The following SLC39A11 variants were observed in gnomAD, a reference collection of about 807,000 sequenced individuals.
SLC39A11 encodes the protein zinc transporter ZIP11.
SLC39A11 carries 33 observed loss-of-function variants against 36.1 expected under a neutral mutation model. The ratio of observed to expected loss-of-function variants is 0.91; its 90% CI spans 0.69 to 1.22. The LOEUF (loss-of-function observed/expected upper bound fraction) is 1.22. Among genes scored for constraint, SLC39A11 ranks in the 50% most tolerant of loss-of-function variants. The probability of loss-of-function intolerance (pLI) is 0.00; values close to 1 mark genes in which losing one functional copy is unlikely to be tolerated. For missense variants in SLC39A11, 432 were observed against 430.3 expected (o/e 1.00, Z -0.03); for synonymous variants, 166 against 170.3 (o/e 0.97, Z 0.20).
At chr17:72,673,950 C>A (rs1046893564) in intron 7 of SLC39A11, among the ~76,000 whole-genome samples, 5 of 152,108 alleles carry the variant, frequency 3.3e-5, no homozygotes, top group Non-Finnish European at 7.4e-5. Flanking sequence ...GGCCTGTAAT[C>A]CCAGCTACTT....
At position 72,824,676 on chromosome 17, in the gene SLC39A11, TTAGA is replaced by T. The variant is rs1420016397; in HGVS notation, c.601+24954_601+24957del. ...CAATGAAGTCCAGGCTGAAGTGGTC[TTAGA>T]TGGAGGAACTTTTTGGGAACTGAAG... On this transcript the variant is annotated intron_variant, in intron 6 of 9. Transcript: ENST00000255559. 2.0e-5 allele frequency among the ~76,000 whole-genome samples: 3 copies of T among 151,392 alleles called. No homozygotes were observed. The East Asian group carries it at 5.8e-4, about 29-fold the overall frequency.
chr17:72,798,113 A>G (rs1274946014), intron 6 of SLC39A11, among the ~76,000 whole-genome samples: 2 of 152,098 alleles, frequency 1.3e-5, no homozygotes, highest in South Asian at 4.1e-4. Flanking sequence ...TAGGAGAAGT[A>G]GGGTTACTGG....
intron 7 of SLC39A11, among the ~76,000 whole-genome samples, chr17:72,735,273 A>G (rs1020872380): frequency 2.0e-5 from 3 of 152,168 alleles, no homozygotes; most frequent in African/African-American, 7.2e-5. Flanking sequence ...CAATGACTAC[A>G]TTTAACACAC....
intron 4 of SLC39A11, among the ~76,000 whole-genome samples, chr17:72,990,132 T>C (rs1036973052): frequency 1.3e-5 from 2 of 152,218 alleles, no homozygotes; most frequent in African/African-American, 4.8e-5. Context: ...CAAAAATTGG[T>C]GACATGCACT....
chr17:72,835,155 G>A (rs565005281), intron 6 of SLC39A11, among the ~76,000 whole-genome samples: 2 of 152,370 alleles, frequency 1.3e-5, no homozygotes, highest in Admixed American at 1.3e-4. Flanking sequence ...GTCATCCCAT[G>A]TAGGAGCCTG....
intron 4 of SLC39A11, among the ~76,000 whole-genome samples, chr17:72,997,011 G>C (rs2089557752): frequency 6.6e-6 from 1 of 152,134 alleles, no homozygotes; most frequent in African/African-American, 2.4e-5. Flanking sequence ...ACCATCTGCA[G>C]TCTTGCAGCT....
intron 4 of SLC39A11, among the ~76,000 whole-genome samples, chr17:72,958,610 C>G (rs969715329): frequency 3.3e-5 from 5 of 152,124 alleles, no homozygotes; most frequent in Admixed American, 6.5e-5. Flanking sequence ...CAGCACTTTG[C>G]GAGGCCAAGG....
chr17:72,832,379 A>G (rs2078322751), intron 6 of SLC39A11, among the ~76,000 whole-genome samples: 1 of 152,220 alleles, frequency 6.6e-6, no homozygotes, highest in Non-Finnish European at 1.5e-5. Context: ...TATTCTGTGG[A>G]GAACAACCTA....
chr17:73,050,793 G>C (rs2059471014), intron 3 of SLC39A11, among the ~76,000 whole-genome samples: 1 of 152,058 alleles, frequency 6.6e-6, no homozygotes, highest in East Asian at 1.9e-4. Flanking sequence ...CTCTCTTCTG[G>C]GGATGGGGGA....
intron 6 of SLC39A11, among the ~76,000 whole-genome samples, chr17:72,763,581 G>A (rs1038432373): frequency 3.3e-5 from 5 of 152,142 alleles, no homozygotes; most frequent in African/African-American, 1.2e-4. Flanking sequence ...AAATAATTAA[G>A]AGCTGTTCAC....
intron 7 of SLC39A11, among the ~76,000 whole-genome samples, chr17:72,700,143 C>T (rs990018287): frequency 3.9e-5 from 6 of 152,172 alleles, no homozygotes; most frequent in African/African-American, 1.4e-4. Context: ...CTGCTGGCTT[C>T]TTTGGCGGGA....
At chr17:72,952,920 T>G (rs956515455) in intron 4 of SLC39A11, among the ~76,000 whole-genome samples, 2 of 152,156 alleles carry the variant, frequency 1.3e-5, no homozygotes, top group African/African-American at 4.8e-5. Flanking sequence ...CCTCTGGGGC[T>G]CTGAATAGTT....
chr17:72,786,582 G>A (rs1950569683), intron 6 of SLC39A11, among the ~76,000 whole-genome samples: 1 of 152,032 alleles, frequency 6.6e-6, no homozygotes, highest in Non-Finnish European at 1.5e-5. Flanking sequence ...TGGATCCCGG[G>A]GTGTTTTTCA....
intron 6 of SLC39A11, among the ~76,000 whole-genome samples, chr17:72,792,549 G>A (rs1348363696): frequency 6.6e-6 from 1 of 152,096 alleles, no homozygotes; most frequent in Non-Finnish European, 1.5e-5. Flanking sequence ...AAGTATGAGA[G>A]AGGAGGTGAT....
At chr17:72,923,067 A>G (rs1055320552) in intron 5 of SLC39A11, among the ~76,000 whole-genome samples, 2 of 147,922 alleles carry the variant, frequency 1.4e-5, no homozygotes, top group Non-Finnish European at 3.0e-5. Context: ...GTGTGATTTT[A>G]TCTTATCAGT....
chr17:72,783,761 C>T (rs374169552), intron 6 of SLC39A11, among the ~76,000 whole-genome samples: 14 of 152,202 alleles, frequency 9.2e-5, no homozygotes, highest in African/African-American at 2.9e-4. Context: ...GGTGAGGGAA[C>T]GGGAATAGTC....
chr17:72,947,803 G>T lies in SLC39A11; in HGVS notation c.379C>A (p.Pro127Thr), dbSNP rs1382709055. 2.5e-6 allele frequency: 4 copies of T among 1,614,026 alleles called. No individual in the cohort carries two copies. The highest frequency in any genetic ancestry group is 8.5e-7 in the Non-Finnish European group (1 of 1,180,048). The change falls in exon 5 of 10, where the codon CCT (proline) becomes ACT (threonine). Residue 127 changes from proline (P) to threonine (T), a missense_variant. Transcript: ENST00000255559. ...GSTLMKKKSD[P>T]EGPALLFPES... The stretch of plus-strand genomic sequence containing the variant: ...GGGAAGAGCAGCGCGGGACCCTCAG[G>T]ATCAGACTTCTTCTTCATCAACGTA...
intron 7 of SLC39A11, among the ~76,000 whole-genome samples, chr17:72,702,904 T>TC (rs1368309207): frequency 8.1e-6 from 1 of 123,272 alleles, no homozygotes; most frequent in Non-Finnish European, 1.6e-5. Context: ...GCCACTGCAC[T>TC]CCAGCCTGGG....
At chr17:72,844,139 A>G (rs553207591) in intron 6 of SLC39A11, among the ~76,000 whole-genome samples, 2 of 152,194 alleles carry the variant, frequency 1.3e-5, no homozygotes, top group African/African-American at 2.4e-5. Context: ...ACTATAAAGG[A>G]TAGTGTTAAA....
Sources: allele counts gnomAD v4.1 joint callset (sites outside exome capture counted in the v4.1 genomes callset), GRCh38; gene constraint gnomAD v4.1.1; transcripts MANE v1.5; gene names NCBI Gene and HGNC (gene_info 2026-07-23, HGNC 2026-07-21).